The following PLCXD3 variants were observed in gnomAD, a reference collection of about 807,000 sequenced individuals.
PLCXD3 encodes the protein PI-PLC X domain-containing protein 3.
In PLCXD3, 19 loss-of-function variants were observed where a neutral mutation model predicts 25.5. The observed-to-expected ratio is 0.75, with a 90% CI of 0.52 to 1.09. PLCXD3 has a LOEUF of 1.09. PLCXD3 is among the 50% of genes least tolerant of loss of function. The probability of loss-of-function intolerance (pLI) is 0.00; values close to 1 mark genes in which losing one functional copy is unlikely to be tolerated. For synonymous variants in PLCXD3, 174 were observed against 137.6 expected (o/e 1.26, Z -1.85); for missense variants, 411 against 388.1 (o/e 1.06, Z -0.50).
At chr5:41,319,934 A>G (rs995831328) in intron 2 of PLCXD3, among the ~76,000 whole-genome samples, 2 of 152,186 alleles carry the variant, frequency 1.3e-5, no homozygotes, top group Admixed American at 1.3e-4. Context: ...ATTACAACTG[A>G]CACTGCAGAA....
chr5:41,381,559 G>A (rs1324949382), intron 2 of PLCXD3, among the ~76,000 whole-genome samples: 1 of 152,042 alleles, frequency 6.6e-6, no homozygotes, highest in East Asian at 1.9e-4. Context: ...GCCACCACCA[G>A]AACCTAGGAG....
At chr5:41,413,977 C>T (rs1746630665) in intron 1 of PLCXD3, among the ~76,000 whole-genome samples, 1 of 152,100 alleles carries the variant, frequency 6.6e-6, no homozygotes, top group Non-Finnish European at 1.5e-5. Context: ...GACCTGAAGC[C>T]TTGGAGGTTC....
intron 1 of PLCXD3, among the ~76,000 whole-genome samples, chr5:41,480,888 T>A (rs1748395881): frequency 6.6e-6 from 1 of 152,128 alleles, no homozygotes; most frequent in Non-Finnish European, 1.5e-5. Flanking sequence ...CCAGCCTGCA[T>A]GACAGAGCAA....
rs1237121650 is a variant in PLCXD3 at position 41,340,671 on chromosome 5, A to G, written c.813-26901T>C. ...GCAAGGAAAGAGTCTTCTCCAAAGC[A>G]GTTAAAGTCTCTCAGGCAGAACTGT... On this transcript the variant is annotated intron_variant, in intron 2 of 2. Coordinates refer to ENST00000377801, the MANE Select transcript of PLCXD3 (RefSeq NM_001005473.3). Among the ~76,000 whole-genome samples the G allele has an allele frequency of 2.0e-5, 3 of 152,144 alleles. No homozygotes were observed. The East Asian group carries it at 5.8e-4, about 29-fold the overall frequency.
At chr5:41,444,215 C>T (rs2150512411) in intron 1 of PLCXD3, among the ~76,000 whole-genome samples, 1 of 152,266 alleles carries the variant, frequency 6.6e-6, no homozygotes, top group Admixed American at 6.5e-5. Context: ...CCCTGGGTGT[C>T]TCCCACAGAT....
intron 2 of PLCXD3, among the ~76,000 whole-genome samples, chr5:41,324,484 G>A (rs1743564301): frequency 6.6e-6 from 1 of 152,138 alleles, no homozygotes; most frequent in Non-Finnish European, 1.5e-5. Context: ...GCATAATGTT[G>A]ACCTAAATGG....
At chr5:41,329,965 T>C (rs1393625296) in intron 2 of PLCXD3, among the ~76,000 whole-genome samples, 1 of 151,944 alleles carries the variant, frequency 6.6e-6, no homozygotes, top group African/African-American at 2.4e-5. Context: ...ATTTCATATA[T>C]GCTACTTCTC....
intron 1 of PLCXD3, among the ~76,000 whole-genome samples, chr5:41,433,291 G>A (rs1288241054): frequency 6.6e-6 from 1 of 152,160 alleles, no homozygotes; most frequent in Non-Finnish European, 1.5e-5. Context: ...CTCATCTCCT[G>A]TTTGAGGATT....
In PLCXD3 at chr5:41,393,799, G is replaced by A. The variant is rs577362832; in HGVS notation, c.104-11265C>T. Among the ~76,000 whole-genome samples the A allele has an allele frequency of 4.6e-5, 7 of 152,118 alleles. No homozygotes were observed. The South Asian group carries it at 1.2e-3, about 27-fold the overall frequency. ...AAAAAAATTAGCCGGGCATGGTGGT[G>A]GACACCTGTAGTCCCAGCTACTTAG... On this transcript the variant is annotated intron_variant, in intron 1 of 2. Transcript: ENST00000377801.
At chr5:41,321,015 A>C (rs896630847) in intron 2 of PLCXD3, among the ~76,000 whole-genome samples, 6 of 152,224 alleles carry the variant, frequency 3.9e-5, no homozygotes, top group Admixed American at 6.5e-5. Flanking sequence ...AAAAAGTAGA[A>C]GCTTTTCCTC....
At chr5:41,418,513 A>G (rs1347655559) in intron 1 of PLCXD3, among the ~76,000 whole-genome samples, 1 of 21,280 alleles carries the variant, frequency 4.7e-5, no homozygotes, top group Non-Finnish European at 1.2e-4. Context: ...TAAAAAACAC[A>G]TGTCATATTA....
Position 41,381,938 on chromosome 5 carries a change from T to C in PLCXD3, c.700A>G (p.Thr234Ala). Reference protein sequence around the residue: ...KLIQFLQASITERRKKGSFFI... With the variant: ...KLIQFLQASIAERRKKGSFFI... ...AACGATCCCTTCTTTCTTCTCTCAG[T>C]GATGGATGCTTGAAGAAACTGGATC... The change falls in exon 2 of 3, where the codon ACT becomes GCT. Residue 234 changes from threonine to alanine, a missense_variant. By Grantham distance (58) the Thr-to-Ala change is moderately conservative (BLOSUM62 0). Transcript: ENST00000377801. 1.2e-6 allele frequency: 2 copies of C among 1,613,424 alleles called. No individual in the cohort carries two copies. The highest frequency in any genetic ancestry group is 1.7e-4 in the Middle Eastern group (1 of 6,040).
At chr5:41,362,064 T>C (rs1744796496) in intron 2 of PLCXD3, among the ~76,000 whole-genome samples, 1 of 152,178 alleles carries the variant, frequency 6.6e-6, no homozygotes, top group African/African-American at 2.4e-5. Context: ...CTTTGGGGAT[T>C]TAGAAATATT....
intron 1 of PLCXD3, among the ~76,000 whole-genome samples, chr5:41,430,143 A>T (rs1561271073): frequency 6.6e-6 from 1 of 152,246 alleles, no homozygotes; most frequent in Non-Finnish European, 1.5e-5. Context: ...ACTCCATCAT[A>T]GTAACAATAA....
At chr5:41,430,977 G>T (rs529301977) in intron 1 of PLCXD3, among the ~76,000 whole-genome samples, 1 of 152,094 alleles carries the variant, frequency 6.6e-6, no homozygotes, top group Non-Finnish European at 1.5e-5. Context: ...TGACCAATTG[G>T]TCATCCTCTA....
At chr5:41,495,992 T>C (rs1748828452) in intron 1 of PLCXD3, among the ~76,000 whole-genome samples, 2 of 152,046 alleles carry the variant, frequency 1.3e-5, no homozygotes. Context: ...GACAACAATA[T>C]ATACAAAAAA....
chr5:41,463,753 C>T (rs943920818), intron 1 of PLCXD3, among the ~76,000 whole-genome samples: 2 of 151,782 alleles, frequency 1.3e-5, no homozygotes, highest in Non-Finnish European at 2.9e-5. Context: ...CATATTGCTG[C>T]GGCACTATTT....
intron 1 of PLCXD3, among the ~76,000 whole-genome samples, chr5:41,492,482 G>A (rs1257090099): frequency 6.6e-6 from 1 of 152,144 alleles, no homozygotes; most frequent in African/African-American, 2.4e-5. Flanking sequence ...ATGTTGGCCT[G>A]CCTTGCTAGA....
intron 1 of PLCXD3, among the ~76,000 whole-genome samples, chr5:41,506,779 G>A (rs1192655476): frequency 2.0e-5 from 3 of 152,140 alleles, no homozygotes; most frequent in Admixed American, 2.0e-4. Flanking sequence ...ATTTTCTAAA[G>A]GAAATGAACA....
Sources: allele counts gnomAD v4.1 joint callset (sites outside exome capture counted in the v4.1 genomes callset), GRCh38; gene constraint gnomAD v4.1.1; transcripts MANE v1.5; gene names NCBI Gene and HGNC (gene_info 2026-07-23, HGNC 2026-07-21).